The following DHRS9 variants were observed in gnomAD, a reference collection of about 807,000 sequenced individuals.
DHRS9 encodes dehydrogenase/reductase 9, also known as dehydrogenase/reductase SDR family member 9.
DHRS9 carries 18 observed loss-of-function variants against 26.6 expected under a neutral mutation model. That is an observed-to-expected ratio of 0.68 (90% CI 0.47 to 1.00). DHRS9 has a LOEUF of 1.00. DHRS9 is among the 50% of genes least tolerant of loss of function. The probability of loss-of-function intolerance (pLI) is 0.00; values close to 1 mark genes in which losing one functional copy is unlikely to be tolerated. For synonymous variants in DHRS9, 134 were observed against 141.1 expected, an observed-to-expected ratio of 0.95 and a Z score of 0.36; for missense variants, 425 against 378.7, an observed-to-expected ratio of 1.12 and a Z score of -1.01.
At chr2:169,074,306 A>G in intron 1 of DHRS9, 6 of 985,444 alleles carry the variant, frequency 6.1e-6, no homozygotes, top group Non-Finnish European at 7.2e-6. Flanking sequence ...CCCTCTGATG[A>G]TAGTGAAACT....
At chr2:169,070,259 C>T in intron 1 of DHRS9, 2 of 985,376 alleles carry the variant, frequency 2.0e-6, no homozygotes, top group Non-Finnish European at 2.4e-6. Context: ...AAATTCCCAA[C>T]AATTCATATT....
At chr2:169,093,764 C>T (rs534889306) in intron 4 of DHRS9, among the ~76,000 whole-genome samples, 131 of 152,274 alleles carry the variant, frequency 8.6e-4, no homozygotes, top group African/African-American at 3.1e-3. Context: ...GCCAAAGTCA[C>T]GGTCCCAAAG....
At chr2:169,075,880 C>T (rs1240479292) in intron 1 of DHRS9, among the ~76,000 whole-genome samples, 1 of 152,114 alleles carries the variant, frequency 6.6e-6, no homozygotes. Flanking sequence ...ATCCTTATCA[C>T]TTGGTTAAGG....
In DHRS9 at chr2:169,084,798, G is replaced by T. The variant is rs116807273; in HGVS notation, c.572+1211G>T. ...CTATGTGTTGTCTTTTCACTTTTTTGATTGTTTCCTTTGCTGTGCAGAAGC... is the reference window on the plus strand; with the variant it reads ...CTATGTGTTGTCTTTTCACTTTTTTTATTGTTTCCTTTGCTGTGCAGAAGC... On this transcript the variant is annotated intron_variant, in intron 3 of 4. Transcript: ENST00000674881. 5.7e-3 allele frequency among the ~76,000 whole-genome samples: 867 copies of T among 152,074 alleles called. 10 individuals carry two copies. Among genetic ancestry groups the T allele is most frequent in the African/African-American group, 0.02 (827 of 41,514 alleles).
At position 169,083,468 on chromosome 2, in the gene DHRS9, G is replaced by T. The variant is rs1303642539; in HGVS notation, c.453G>T (p.Leu151Phe). ...LISVTLNMLP[L>F]VKKAQGRVIN... ...GTGTGACACTAAATATGCTTCCTTT[G>T]GTCAAGAAAGCTCAAGGGAGAGTTA... Residue 151 changes from leucine (L) to phenylalanine (F), a missense_variant, in exon 3 of 5, where the codon TTG becomes TTT. By Grantham distance (22) the Leu-to-Phe change is conservative. Coordinates refer to ENST00000674881, the MANE Select transcript of DHRS9 (RefSeq NM_001376924.1). 1 of 1,613,986 alleles carries T rather than the reference G, an allele frequency of 6.2e-7. No homozygotes were observed. Among genetic ancestry groups the T allele is most frequent in the African/African-American group, 1.3e-5 (1 of 74,966 alleles).
At chr2:169,073,663 C>T (rs756008879) in intron 1 of DHRS9, among the ~76,000 whole-genome samples, 4 of 152,106 alleles carry the variant, frequency 2.6e-5, no homozygotes, top group Non-Finnish European at 4.4e-5. Flanking sequence ...GCCTCTTATC[C>T]TCCTGATGAC....
upstream of DHRS9, chr2:169,069,443 C>G: frequency 1.0e-6 from 1 of 985,396 alleles, no homozygotes; most frequent in African/African-American, 1.7e-5. Context: ...TTGAAACATG[C>G]GACCTACAGC....
At chr2:169,085,887 A>C (rs898388761) in intron 3 of DHRS9, among the ~76,000 whole-genome samples, 7 of 152,146 alleles carry the variant, frequency 4.6e-5, no homozygotes, top group Non-Finnish European at 8.8e-5. Flanking sequence ...TTTTTGAGGA[A>C]TCTCCAAACA....
chr2:169,086,758 G>A (rs1023629261), intron 3 of DHRS9, among the ~76,000 whole-genome samples: 6 of 152,106 alleles, frequency 3.9e-5, no homozygotes, highest in Non-Finnish European at 5.9e-5. Flanking sequence ...GGCTCATAGA[G>A]GTACCACCTT....
At position 169,083,449 on chromosome 2, in the gene DHRS9, C is replaced by T. The variant is rs1440193365; in HGVS notation, c.434C>T (p.Thr145Ile). The T allele has an allele frequency of 3.1e-6, 5 of 1,614,052 alleles. No individual in the cohort carries two copies. Among genetic ancestry groups the T allele is most frequent in the Non-Finnish European group, 3.4e-6 (4 of 1,179,994 alleles). Residue 145 changes from threonine to isoleucine, a missense_variant, in exon 3 of 5, where the codon ACA becomes ATA. Coordinates refer to ENST00000674881, the MANE Select transcript of DHRS9 (RefSeq NM_001376924.1). ...EVNLFGLISVTLNMLPLVKKA... is the reference protein window; with the variant it reads ...EVNLFGLISVILNMLPLVKKA... ...AACCTGTTTGGACTCATCAGTGTGA[C>T]ACTAAATATGCTTCCTTTGGTCAAG...
rs745349929 is a variant in DHRS9 at position 169,091,890 on chromosome 2, G to GC, written c.675dup (p.Ile226HisfsTer19). 4.1e-5 allele frequency: 66 copies of GC among 1,613,808 alleles called. 1 individual carries two copies. Among genetic ancestry groups the GC allele is most frequent in the Non-Finnish European group, 4.2e-5 (49 of 1,179,966 alleles). ...AGTAAAGGTAATTGAAAAAAAACTC[G>GC]CCATTTGGGAGCAGCTGTCTCCAGA... is the stretch of plus-strand genomic sequence containing the variant. On this transcript the variant is annotated frameshift_variant, in exon 4 of 5. Coordinates refer to ENST00000674881, the MANE Select transcript of DHRS9 (RefSeq NM_001376924.1). LOFTEE classifies it high-confidence loss of function.
intron 3 of DHRS9, among the ~76,000 whole-genome samples, chr2:169,088,949 T>C (rs1267654984): frequency 1.3e-5 from 2 of 152,218 alleles, no homozygotes; most frequent in Non-Finnish European, 2.9e-5. Context: ...CCAAGCTTTA[T>C]AGCTTCATTC....
intron 4 of DHRS9, among the ~76,000 whole-genome samples, chr2:169,093,554 C>T (rs1228679357): frequency 2.0e-5 from 3 of 152,146 alleles, no homozygotes; most frequent in Admixed American, 6.5e-5. Flanking sequence ...CAAAACCCCT[C>T]ATTTAAAAGA....
intron 1 of DHRS9, chr2:169,070,734 T>TA (rs1683775317): frequency 6.1e-6 from 6 of 985,310 alleles, no homozygotes; most frequent in Non-Finnish European, 7.2e-6. Context: ...TTAAAACTCT[T>TA]ATAACAAATG....
At chr2:169,082,296 T>G (rs1684216103) in intron 2 of DHRS9, among the ~76,000 whole-genome samples, 1 of 152,152 alleles carries the variant, frequency 6.6e-6, no homozygotes, top group African/African-American at 2.4e-5. Context: ...CCCTGCAAAA[T>G]GATTCTAAAG....
At chr2:169,071,898 T>G (rs938202405) in intron 1 of DHRS9, among the ~76,000 whole-genome samples, 26 of 152,188 alleles carry the variant, frequency 1.7e-4, no homozygotes, top group African/African-American at 6.0e-4. Context: ...GATTTCTGGG[T>G]GGACCATTTG....
chr2:169,076,386 CAGCCCTG>C (rs1683963165), intron 1 of DHRS9, among the ~76,000 whole-genome samples: 1 of 152,230 alleles, frequency 6.6e-6, no homozygotes, highest in Admixed American at 6.5e-5. Flanking sequence ...CCTCCAAGCT[CAGCCCTG>C]ATGTTAGCTT....
rs370175220 is a variant in DHRS9, at chr2:169,070,157, T to G, written c.-60+440T>G. The stretch of plus-strand genomic sequence containing the variant: ...CTGATCTGTTTGTCTGTCCGCTTTA[T>G]CAATATTATCAGATGTAAGTTTACA... On this transcript the variant is annotated intron_variant, in intron 1 of 4. Coordinates refer to ENST00000674881, the MANE Select transcript of DHRS9 (RefSeq NM_001376924.1). 1.3e-5 allele frequency: 13 copies of G among 985,428 alleles called. No homozygotes were observed. In the African/African-American group the frequency reaches 2.3e-4, roughly 17 times the overall value. 61.0% of individuals were successfully genotyped at this position (985,428 alleles called of 1,614,324 possible).
chr2:169,082,006 A>G, intron 2 of DHRS9, 112 bp downstream of exon 2: 1 of 1,089,408 alleles, frequency 9.2e-7, no homozygotes, highest in African/African-American at 1.6e-5. Flanking sequence ...AATGTTTCCT[A>G]AATACCGGCT....
Sources: allele counts gnomAD v4.1 joint callset (sites outside exome capture counted in the v4.1 genomes callset), GRCh38; gene constraint gnomAD v4.1.1; transcripts MANE v1.5; gene names NCBI Gene and HGNC (gene_info 2026-07-23, HGNC 2026-07-21).